Variants in SLC9C1 observed in about 807,000 individuals in gnomAD.
SLC9C1 encodes sodium/hydrogen exchanger 10.
SLC9C1 carries 97 observed loss-of-function variants against 140.9 expected under a neutral mutation model. The ratio of observed to expected loss-of-function variants is 0.69; its 90% CI spans 0.58 to 0.82. SLC9C1 has a LOEUF of 0.82. Ranked by LOEUF, SLC9C1 falls within the 40% of genes least tolerant of loss-of-function variation. The probability of loss-of-function intolerance (pLI) is 0.00; values close to 1 mark genes in which losing one functional copy is unlikely to be tolerated. For synonymous variants in SLC9C1, 440 were observed against 442.6 expected (o/e 0.99, Z 0.07); for missense variants, 1,340 against 1,389.3 (o/e 0.96, Z 0.56).
At chr3:112,185,503 C>T in intron 20 of SLC9C1, 1 of 1,612,104 alleles carries the variant, frequency 6.2e-7, no homozygotes, top group Admixed American at 1.7e-5. Flanking sequence ...ATGATCTCTC[C>T]TTTTTCAGGT....
intron 10 of SLC9C1, 67 bp downstream of exon 10, chr3:112,262,857 C>T (rs5003791): frequency 0.61 from 788,259 of 1,293,540 alleles, 242,767 homozygotes; most frequent in East Asian, 0.77. Flanking sequence ...TACAAAAAAA[C>T]ATATATTTTA....
intron 1 of SLC9C1, among the ~76,000 whole-genome samples, chr3:112,288,782 G>A (rs918868681): frequency 1.1e-4 from 16 of 152,034 alleles, no homozygotes; most frequent in African/African-American, 2.4e-4. Flanking sequence ...CAGAATCTGC[G>A]GTCAGACTAC....
In SLC9C1 at chr3:112,240,030, T is replaced by C. The variant is rs778989753; in HGVS notation, c.1280-24A>G. On this transcript the variant is annotated intron_variant, in intron 11 of 28. Coordinates refer to ENST00000305815, the MANE Select transcript of SLC9C1 (RefSeq NM_183061.3). ...ACCTTTGATACAAACACACATTTGA[T>C]AAATAGTAGAAACACCACAATTTTG... The C allele has an allele frequency of 4.4e-6, 7 of 1,586,232 alleles. No individual in the cohort carries two copies. The South Asian group carries it at 6.9e-5, about 16-fold the overall frequency.
chr3:112,268,111 G>T (rs1482209623), intron 7 of SLC9C1, among the ~76,000 whole-genome samples: 1 of 152,020 alleles, frequency 6.6e-6, no homozygotes, highest in African/African-American at 2.4e-5. Flanking sequence ...TGAAACTAGG[G>T]TTACTTATTA....
intron 28 of SLC9C1, among the ~76,000 whole-genome samples, chr3:112,145,197 T>A (rs1442943438): frequency 1.3e-5 from 2 of 151,158 alleles, no homozygotes; most frequent in Non-Finnish European, 3.0e-5. Flanking sequence ...AAGCTTTCTC[T>A]ATGTCTATGG....
intron 28 of SLC9C1, 47 bp downstream of exon 28, chr3:112,151,809 AG>A: frequency 6.7e-7 from 1 of 1,489,796 alleles, no homozygotes. Context: ...CTGTATCTCC[AG>A]GGACAGATGT....
intron 23 of SLC9C1, among the ~76,000 whole-genome samples, chr3:112,171,228 A>G (rs1283815103): frequency 2.0e-5 from 3 of 152,090 alleles, no homozygotes; most frequent in Non-Finnish European, 4.4e-5. Context: ...AAAAAAAAGA[A>G]AAGAAAAGAA....
At chr3:112,270,145 T>A in intron 6 of SLC9C1, 68 bp from the exon 7 acceptor site, 1 of 1,403,200 alleles carries the variant, frequency 7.1e-7, no homozygotes, top group Non-Finnish European at 9.4e-7. Flanking sequence ...TGATATTCCT[T>A]GTTAATTTTC....
At chr3:112,261,153 C>T (rs954783360) in intron 10 of SLC9C1, among the ~76,000 whole-genome samples, 7 of 152,064 alleles carry the variant, frequency 4.6e-5, no homozygotes, top group African/African-American at 1.7e-4. Flanking sequence ...TTATCCAATA[C>T]CCCAAATCAG....
rs191096059 is a variant in SLC9C1 at position 112,268,467 on chromosome 3, C to A, written c.775+1449G>T. On this transcript the variant is annotated intron_variant, in intron 7 of 28. Coordinates refer to ENST00000305815, the MANE Select transcript of SLC9C1 (RefSeq NM_183061.3). Reference sequence around the variant, plus strand: ...CTTTTATAATTTTCTATGTTTAGGTCCAAACTATTTGTTAAGTTTATTCAT... The same window carrying A: ...CTTTTATAATTTTCTATGTTTAGGTACAAACTATTTGTTAAGTTTATTCAT... Among the ~76,000 whole-genome samples, 153 of 152,084 alleles carry A rather than the reference C, an allele frequency of 1.0e-3. 3 individuals carry two copies. In the East Asian group the frequency reaches 0.013, roughly 13 times the overall value.
intron 11 of SLC9C1, among the ~76,000 whole-genome samples, chr3:112,240,974 G>C (rs2079123563): frequency 6.6e-6 from 1 of 151,036 alleles, no homozygotes; most frequent in Non-Finnish European, 1.5e-5. Context: ...AACAGAGACT[G>C]AGAAAGGTGG....
At chr3:112,230,267 C>A (rs962455272) in intron 13 of SLC9C1, among the ~76,000 whole-genome samples, 1 of 152,148 alleles carries the variant, frequency 6.6e-6, no homozygotes, top group African/African-American at 2.4e-5. Context: ...TTTGTTTTTG[C>A]CTCAGAAGCT....
At chr3:112,150,837 TATA>T (rs1222465230) in intron 28 of SLC9C1, among the ~76,000 whole-genome samples, 70 of 50,476 alleles carry the variant, frequency 1.4e-3, no homozygotes, top group African/African-American at 3.8e-3. Context: ...TATATATATA[TATA>T]TTTTTTTTTT....
Position 112,248,055 on chromosome 3 carries a change from G to A in SLC9C1, c.1198-3979C>T, listed in dbSNP as rs187599209. 4.2e-3 allele frequency among the ~76,000 whole-genome samples: 636 copies of A among 152,264 alleles called. 14 individuals carry two copies. Among genetic ancestry groups the A allele is most frequent in the Admixed American group, 0.033 (503 of 15,280 alleles). On this transcript the variant is annotated intron_variant, in intron 10 of 28. Transcript: ENST00000305815. ...AAAGACCGTGGCTTCCGTCTTGAGG[G>A]TTTGCTCTCTCTAGCTCTCTTGCTT...
intron 11 of SLC9C1, among the ~76,000 whole-genome samples, chr3:112,243,286 G>A (rs2079186480): frequency 1.3e-5 from 2 of 152,186 alleles, no homozygotes; most frequent in Non-Finnish European, 2.9e-5. Flanking sequence ...ATGGTGGAAT[G>A]GATAAAGAAA....
chr3:112,213,027 G>C (rs1209943570), intron 15 of SLC9C1, among the ~76,000 whole-genome samples: 1 of 152,140 alleles, frequency 6.6e-6, no homozygotes, highest in Non-Finnish European at 1.5e-5. Context: ...ACTCTACAAG[G>C]CAGAAGACAA....
At chr3:112,237,037 A>G (rs1215938337) in intron 12 of SLC9C1, among the ~76,000 whole-genome samples, 1 of 152,104 alleles carries the variant, frequency 6.6e-6, no homozygotes, top group Non-Finnish European at 1.5e-5. Flanking sequence ...TTTCTGTCTC[A>G]TTGATCTGTC....
chr3:112,149,387 G>A (rs1290084500), intron 28 of SLC9C1, among the ~76,000 whole-genome samples: 1 of 152,104 alleles, frequency 6.6e-6, no homozygotes, highest in East Asian at 1.9e-4. Context: ...GCACAGAAAG[G>A]ATGGGGTGGG....
intron 6 of SLC9C1, among the ~76,000 whole-genome samples, chr3:112,273,126 G>GT (rs915001507): frequency 7.2e-5 from 11 of 152,120 alleles, no homozygotes; most frequent in South Asian, 6.2e-4. Flanking sequence ...CTTCTTTCAG[G>GT]TTTTTTAGTT....
Sources: allele counts gnomAD v4.1 joint callset (sites outside exome capture counted in the v4.1 genomes callset), GRCh38; gene constraint gnomAD v4.1.1; transcripts MANE v1.5; gene names NCBI Gene and HGNC (gene_info 2026-07-23, HGNC 2026-07-21).